Variants in ACOXL observed in about 807,000 individuals in gnomAD.
ACOXL encodes acyl-CoA oxidase like.
A neutral mutation model predicts 71.9 loss-of-function variants in ACOXL; 70 were observed. The ratio of observed to expected loss-of-function variants is 0.97; its 90% CI spans 0.80 to 1.19. The LOEUF (loss-of-function observed/expected upper bound fraction) is 1.19, where lower values mean the gene tolerates loss of function less well. Among genes scored for constraint, ACOXL ranks in the 50% most tolerant of loss-of-function variants. The pLI is 0.00. For synonymous variants in ACOXL, 253 were observed against 281.6 expected (o/e 0.90, Z 1.02); for missense variants, 703 against 736.3 (o/e 0.95, Z 0.52).
chr2:110,935,137 G>A (rs1259968026), intron 12 of ACOXL, among the ~76,000 whole-genome samples: 3 of 152,134 alleles, frequency 2.0e-5, no homozygotes, highest in Admixed American at 2.0e-4. Context: ...GGCCCCTCAG[G>A]CAGGGACAGC....
rs79597178 is a variant in ACOXL, at chr2:110,876,331, T to C, written c.789-32458T>C. 5.5e-3 allele frequency among the ~76,000 whole-genome samples: 840 copies of C among 152,232 alleles called. 47 individuals carry two copies. In the East Asian group the frequency reaches 0.13, roughly 24 times the overall value. ...GGCCAGCCACGGTGCCAGGGAGGGT[T>C]CTGGGCTGTGCAGGTAGAGGGAGCT... On this transcript the variant is annotated intron_variant, in intron 10 of 17. Coordinates refer to ENST00000439055, the MANE Select transcript of ACOXL (RefSeq NM_001142807.4).
At position 110,759,039 on chromosome 2, in the gene ACOXL, A is replaced by G. The variant is rs192280184; in HGVS notation, c.-22-9329A>G. Among the ~76,000 whole-genome samples, 12 of 152,094 alleles carry G rather than the reference A, an allele frequency of 7.9e-5. No homozygotes were observed. The East Asian group carries it at 2.3e-3, about 29-fold the overall frequency. ...ATTTGATTGCTCTGCAGTCTGAGAGATTGTTTGTTATGATTTCAGTTCCTT... is the reference window on the plus strand; with the variant it reads ...ATTTGATTGCTCTGCAGTCTGAGAGGTTGTTTGTTATGATTTCAGTTCCTT... On this transcript the variant is annotated intron_variant, in intron 1 of 17. Coordinates refer to ENST00000439055, the MANE Select transcript of ACOXL (RefSeq NM_001142807.4).
chr2:110,763,361 A>C (rs1680646828), intron 1 of ACOXL, among the ~76,000 whole-genome samples: 1 of 152,258 alleles, frequency 6.6e-6, no homozygotes, highest in South Asian at 2.1e-4. Context: ...AACAGAATAG[A>C]AAGTCCAGAA....
intron 9 of ACOXL, among the ~76,000 whole-genome samples, chr2:110,806,197 C>T (rs1686620097): frequency 2.6e-5 from 4 of 152,350 alleles, no homozygotes; most frequent in East Asian, 1.9e-4. Context: ...GGGTCGGCCA[C>T]GCTTCACAGA....
intron 1 of ACOXL, 108 bp from the exon 2 acceptor site, chr2:110,768,260 G>T: frequency 1.3e-6 from 1 of 786,950 alleles, no homozygotes; most frequent in Non-Finnish European, 2.1e-6. Flanking sequence ...TATCAAACAA[G>T]CATTACAATG....
At chr2:110,882,761 C>T (rs995148713) in intron 10 of ACOXL, among the ~76,000 whole-genome samples, 7 of 152,084 alleles carry the variant, frequency 4.6e-5, no homozygotes, top group African/African-American at 7.2e-5. Context: ...GGCCTATGCT[C>T]CTTTTTGATG....
Position 110,845,345 on chromosome 2 carries a change from A to G in ACOXL, c.788+3940A>G, listed in dbSNP as rs551134360. ...TCTCATTCGTGAGGGAGGAGCCCTC[A>G]TGGCTTAATCACCTTTTAAAGGCCC... On this transcript the variant is annotated intron_variant, in intron 10 of 17. Transcript: ENST00000439055. Among the ~76,000 whole-genome samples, 5 of 152,320 alleles carry G rather than the reference A, an allele frequency of 3.3e-5. No individual in the cohort carries two copies. The South Asian group carries it at 1.0e-3, about 32-fold the overall frequency.
chr2:110,983,109 A>G (rs923122405), intron 12 of ACOXL, among the ~76,000 whole-genome samples: 1 of 152,092 alleles, frequency 6.6e-6, no homozygotes, highest in African/African-American at 2.4e-5. Flanking sequence ...TTCATAATGG[A>G]TATCTGGTGG....
chr2:110,867,717 A>G (rs1694777413), intron 10 of ACOXL, among the ~76,000 whole-genome samples: 1 of 152,110 alleles, frequency 6.6e-6, no homozygotes, highest in African/African-American at 2.4e-5. Context: ...TCAATATTAA[A>G]TACCTTTTGG....
chr2:111,036,302 T>C (rs1414395696), intron 15 of ACOXL, among the ~76,000 whole-genome samples: 1 of 152,090 alleles, frequency 6.6e-6, no homozygotes, highest in Admixed American at 6.5e-5. Flanking sequence ...AGAAGTCTCA[T>C]GTGGCCCCAC....
At chr2:111,043,989 A>G (rs1326819892) in intron 15 of ACOXL, among the ~76,000 whole-genome samples, 1 of 152,118 alleles carries the variant, frequency 6.6e-6, no homozygotes, top group Non-Finnish European at 1.5e-5. Flanking sequence ...TGCCCCTCCT[A>G]TGTGGGGCCC....
At chr2:111,068,186 G>A (rs2067163817) in intron 16 of ACOXL, among the ~76,000 whole-genome samples, 1 of 152,226 alleles carries the variant, frequency 6.6e-6, no homozygotes, top group East Asian at 1.9e-4. Flanking sequence ...CAAAGGATGA[G>A]TTGGAAGCAG....
Position 110,908,832 on chromosome 2 carries a change from A to G in ACOXL, c.832A>G (p.Ile278Val), listed in dbSNP as rs1346321790. 1 of 1,614,082 alleles carries G rather than the reference A, an allele frequency of 6.2e-7. No homozygotes were observed. The highest frequency in any genetic ancestry group is 1.1e-5 in the South Asian group (1 of 91,076). Residue 278 changes from isoleucine (I) to valine (V), a missense_variant, in exon 11 of 18, where the codon ATT (isoleucine) becomes GTT (valine). By Grantham distance (29) the Ile-to-Val change is conservative. Transcript: ENST00000439055. ...GPKTKEEVKIIEHQTQTLRLM... is the reference protein window; with the variant it reads ...GPKTKEEVKIVEHQTQTLRLM... ...CAAAACCAAGGAAGAGGTGAAGATC[A>G]TTGAGCACCAAACACAGACCCTGCG...
At chr2:111,062,279 G>A (rs1402814300) in intron 16 of ACOXL, among the ~76,000 whole-genome samples, 1 of 151,900 alleles carries the variant, frequency 6.6e-6, no homozygotes, top group Non-Finnish European at 1.5e-5. Flanking sequence ...ATAGGGCACT[G>A]CTAAAGGTAT....
intron 16 of ACOXL, among the ~76,000 whole-genome samples, chr2:111,075,146 G>A (rs2067535769): frequency 6.6e-6 from 1 of 152,164 alleles, no homozygotes. Context: ...TTTCCTGGAA[G>A]AGATTGTGTA....
At chr2:110,877,738 C>T (rs1696105172) in intron 10 of ACOXL, among the ~76,000 whole-genome samples, 1 of 152,194 alleles carries the variant, frequency 6.6e-6, no homozygotes, top group Non-Finnish European at 1.5e-5. Flanking sequence ...ACCAGAAAGG[C>T]CCACTGGGAT....
chr2:110,741,212 G>A (rs570220364), intron 1 of ACOXL, among the ~76,000 whole-genome samples: 3 of 152,240 alleles, frequency 2.0e-5, no homozygotes, highest in Admixed American at 6.5e-5. Flanking sequence ...TAGGGCTGCC[G>A]TAATAATGTA....
rs80021510 is a variant in ACOXL, at chr2:111,068,303, C to T, written c.1440+19015C>T. Among the ~76,000 whole-genome samples, 564 of 152,178 alleles carry T rather than the reference C, an allele frequency of 3.7e-3. 10 individuals carry two copies. The East Asian group carries it at 0.048, about 13-fold the overall frequency. ...CACATGGTTTTCTATGACTGGAGCA[C>T]GGGGGCGTGACCTGGGGGTATGGTG... On this transcript the variant is annotated intron_variant, in intron 16 of 17. Transcript: ENST00000439055.
chr2:110,916,827 G>A (rs913703934), intron 11 of ACOXL, among the ~76,000 whole-genome samples: 2 of 152,074 alleles, frequency 1.3e-5, no homozygotes, highest in African/African-American at 4.8e-5. Context: ...ATAAATTCCT[G>A]GACACATACA....
Sources: gnomAD v4.1 joint callset for allele counts (sites outside exome capture counted in the v4.1 genomes callset) on GRCh38, gnomAD v4.1.1 for gene constraint, MANE v1.5 for transcripts, NCBI Gene and HGNC (gene_info 2026-07-23, HGNC 2026-07-21) for gene names.